NEK11: variants seen among roughly 807,000 people sequenced by gnomAD.
The protein encoded by NEK11 is serine/threonine-protein kinase Nek11.
A neutral mutation model predicts 80.7 loss-of-function variants in NEK11; 72 were observed. The observed-to-expected ratio is 0.89, with a 90% confidence interval of 0.74 to 1.08. NEK11 has a LOEUF of 1.08. NEK11 is among the 50% of genes least tolerant of loss of function. The probability of loss-of-function intolerance (pLI) is 0.00; values close to 1 mark genes in which losing one functional copy is unlikely to be tolerated. For missense variants in NEK11, 764 were observed against 763.6 expected (o/e 1.00, Z -0.01); for synonymous variants, 251 against 260.7 (o/e 0.96, Z 0.36).
chr3:131,261,164 G>A (rs2095911896), intron 16 of NEK11, among the ~76,000 whole-genome samples: 1 of 152,182 alleles, frequency 6.6e-6, no homozygotes, highest in African/African-American at 2.4e-5. Context: ...TAACTTTGCT[G>A]GTGAGAGACC....
intron 3 of NEK11, among the ~76,000 whole-genome samples, chr3:131,075,530 T>C (rs1333857250): frequency 1.3e-5 from 2 of 152,190 alleles, no homozygotes; most frequent in Non-Finnish European, 2.9e-5. Context: ...ATCTTTTTCA[T>C]GCCCCTTTAC....
intron 17 of NEK11, among the ~76,000 whole-genome samples, chr3:131,278,927 T>G (rs1397646768): frequency 2.6e-5 from 4 of 152,158 alleles, no homozygotes; most frequent in Non-Finnish European, 5.9e-5. Context: ...AGAATCTGAA[T>G]TTTAAACTAT....
intron 14 of NEK11, among the ~76,000 whole-genome samples, chr3:131,193,985 A>C (rs758962417): frequency 6.6e-6 from 1 of 152,212 alleles, no homozygotes; most frequent in Non-Finnish European, 1.5e-5. Context: ...GGAAAGCTGT[A>C]GTATCAGCAA....
rs1057147787 is a variant in NEK11, at chr3:131,143,115, G to T, written c.647+9159G>T. Among the ~76,000 whole-genome samples, 6 of 152,146 alleles carry T rather than the reference G, an allele frequency of 3.9e-5. No homozygotes were observed. In the South Asian group the frequency reaches 1.2e-3, roughly 32 times the overall value. Reference sequence around the variant, plus strand: ...CAGTGCTCAAAAGCCAAATGTGGCTGGTGGCTATTGTTTGTAGAAATAAGA... The same window carrying T: ...CAGTGCTCAAAAGCCAAATGTGGCTTGTGGCTATTGTTTGTAGAAATAAGA... On this transcript the variant is annotated intron_variant, in intron 7 of 17. Transcript: ENST00000383366.
chr3:131,153,635 T>G (rs2090105904), intron 9 of NEK11, among the ~76,000 whole-genome samples: 1 of 152,146 alleles, frequency 6.6e-6, no homozygotes, highest in Non-Finnish European at 1.5e-5. Context: ...TACCTTTTCA[T>G]CAGTGGGGCA....
At chr3:131,107,230 A>T (rs374101151) in intron 4 of NEK11, among the ~76,000 whole-genome samples, 15 of 152,142 alleles carry the variant, frequency 9.9e-5, no homozygotes, top group Non-Finnish European at 8.8e-5. Flanking sequence ...AACACATTTT[A>T]AAAAAATGCA....
At chr3:131,108,036 G>A (rs549265434) in intron 4 of NEK11, among the ~76,000 whole-genome samples, 13 of 152,140 alleles carry the variant, frequency 8.5e-5, no homozygotes, top group East Asian at 3.9e-4. Flanking sequence ...TATTCAATTC[G>A]CCATATTTTT....
intron 4 of NEK11, among the ~76,000 whole-genome samples, chr3:131,089,340 C>T (rs58677838): frequency 0.059 from 8,953 of 152,142 alleles, 824 homozygotes; most frequent in African/African-American, 0.2. Flanking sequence ...ATTTGAGGTC[C>T]ACTGGAAGGA....
chr3:131,057,384 G>A (rs1309765142), intron 3 of NEK11, among the ~76,000 whole-genome samples: 2 of 152,086 alleles, frequency 1.3e-5, no homozygotes, highest in East Asian at 1.9e-4. Context: ...ATGATTTGTA[G>A]ACCTTTGGGT....
rs143470501 is a variant in NEK11 at position 131,343,325 on chromosome 3, G to C, written c.1719-6232G>C. ...GGCCAGGATCCAGAGCACTCAGGTAGAGTTTTGTCTTTGATAGGAGCAGGG... is the reference window on the plus strand; with the variant it reads ...GGCCAGGATCCAGAGCACTCAGGTACAGTTTTGTCTTTGATAGGAGCAGGG... On this transcript the variant is annotated intron_variant, in intron 17 of 17. Coordinates refer to ENST00000383366, the MANE Select transcript of NEK11 (RefSeq NM_024800.5). 5.9e-5 allele frequency among the ~76,000 whole-genome samples: 9 copies of C among 152,314 alleles called. No homozygotes were observed. In the East Asian group the frequency reaches 1.7e-3, roughly 29 times the overall value.
At chr3:131,277,000 G>GTC (rs2096303845) in intron 17 of NEK11, among the ~76,000 whole-genome samples, 1 of 152,144 alleles carries the variant, frequency 6.6e-6, no homozygotes, top group African/African-American at 2.4e-5. Flanking sequence ...GTGCAGGCCA[G>GTC]TTGTTTTGTA....
chr3:131,276,857 C>A (rs1348146509), intron 17 of NEK11, among the ~76,000 whole-genome samples: 1 of 152,090 alleles, frequency 6.6e-6, no homozygotes, highest in East Asian at 1.9e-4. Context: ...CCCATTATAG[C>A]AATTGTTTTT....
chr3:131,171,049 G>C (rs1209103841), intron 14 of NEK11, 162 bp downstream of exon 14: 3 of 649,568 alleles, frequency 4.6e-6, no homozygotes, highest in Non-Finnish European at 8.3e-6. Flanking sequence ...GAAAAGTAGA[G>C]AAGCCAAGGA....
At position 131,291,930 on chromosome 3, in the gene NEK11, G is replaced by A. The variant is rs145759940; in HGVS notation, c.1718+18356G>A. Among the ~76,000 whole-genome samples, 311 of 152,150 alleles carry A rather than the reference G, an allele frequency of 2.0e-3. 1 individual carries two copies. The highest frequency in any genetic ancestry group is 7.2e-3 in the African/African-American group (299 of 41,512). ...CTCTTGACGTTGTCTTTCACAGAGC[G>A]GTCCAGATTATCATTTCTTGCTCTC... On this transcript the variant is annotated intron_variant, in intron 17 of 17. Transcript: ENST00000383366.
intron 17 of NEK11, among the ~76,000 whole-genome samples, chr3:131,275,006 T>C (rs1486972745): frequency 1.3e-5 from 2 of 151,892 alleles, no homozygotes; most frequent in African/African-American, 4.8e-5. Flanking sequence ...TGGTATCTCA[T>C]TGTGGTTTTG....
intron 3 of NEK11, among the ~76,000 whole-genome samples, chr3:131,056,773 G>T (rs1428695839): frequency 6.6e-6 from 1 of 152,124 alleles, no homozygotes; most frequent in East Asian, 1.9e-4. Context: ...TCCCATTTCT[G>T]CCTTGAGAGA....
chr3:131,067,074 G>C (rs2072172274), intron 3 of NEK11, among the ~76,000 whole-genome samples: 1 of 152,110 alleles, frequency 6.6e-6, no homozygotes, highest in Non-Finnish European at 1.5e-5. Flanking sequence ...CACTATTTTA[G>C]TGGGTAGAGG....
intron 17 of NEK11, among the ~76,000 whole-genome samples, chr3:131,292,828 C>A (rs551032738): frequency 6.6e-6 from 1 of 151,958 alleles, no homozygotes; most frequent in South Asian, 2.1e-4. Context: ...TAGATTTATA[C>A]CTGTTTCATT....
chr3:131,197,738 G>A (rs1047268368), intron 14 of NEK11, among the ~76,000 whole-genome samples: 6 of 152,146 alleles, frequency 3.9e-5, no homozygotes, highest in African/African-American at 9.7e-5. Context: ...GTATGTCCTC[G>A]TGAGGTTCCC....
Sources: allele counts gnomAD v4.1 joint callset (sites outside exome capture counted in the v4.1 genomes callset), GRCh38; gene constraint gnomAD v4.1.1; transcripts MANE v1.5; gene names NCBI Gene and HGNC (gene_info 2026-07-23, HGNC 2026-07-21).